PTPN22: variants seen among roughly 807,000 people sequenced by gnomAD.
The protein encoded by PTPN22 is protein tyrosine phosphatase non-receptor type 22, also known as tyrosine-protein phosphatase non-receptor type 22.
PTPN22 carries 85 observed loss-of-function variants against 103.3 expected under a neutral mutation model. The ratio of observed to expected loss-of-function variants is 0.82; its 90% confidence interval spans 0.69 to 0.99. The LOEUF (loss-of-function observed/expected upper bound fraction) is 0.99, where lower values mean the gene tolerates loss of function less well. PTPN22 is among the 50% of genes least tolerant of loss of function. The pLI, the probability that PTPN22 is intolerant of heterozygous loss-of-function variation, is 0.00. For missense variants in PTPN22, 865 were observed against 936.9 expected (o/e 0.92, Z 1.00); for synonymous variants, 323 against 310.2 (o/e 1.04, Z -0.43).
chr1:113,849,313 T>C (rs977177737), intron 10 of PTPN22, among the ~76,000 whole-genome samples: 1 of 152,228 alleles, frequency 6.6e-6, no homozygotes, highest in Non-Finnish European at 1.5e-5. Context: ...GATTTCACCA[T>C]AGAGAAATGA....
chr1:113,822,599 C>A (rs1173566016), intron 19 of PTPN22, among the ~76,000 whole-genome samples: 1 of 152,108 alleles, frequency 6.6e-6, no homozygotes, highest in Non-Finnish European at 1.5e-5. Context: ...ATCTGAAATA[C>A]TCTTCTCTGG....
intron 19 of PTPN22, among the ~76,000 whole-genome samples, chr1:113,820,322 G>T (rs1163847689): frequency 6.6e-6 from 1 of 151,976 alleles, no homozygotes; most frequent in Non-Finnish European, 1.5e-5. Context: ...GCGAGGCATG[G>T]TGTTGCAAAT....
chr1:113,869,687 C>T (rs1037920682), intron 1 of PTPN22, among the ~76,000 whole-genome samples: 15 of 152,214 alleles, frequency 9.9e-5, no homozygotes, highest in Non-Finnish European at 1.8e-4. Context: ...GAGCCACTGC[C>T]CCCGGCCAGT....
chr1:113,840,890 A>C (rs1663486648), intron 11 of PTPN22, among the ~76,000 whole-genome samples: 1 of 152,254 alleles, frequency 6.6e-6, no homozygotes, highest in Non-Finnish European at 1.5e-5. Context: ...GAGTGTTTTC[A>C]ATAAATGATT....
At position 113,829,585 on chromosome 1, in the gene PTPN22, TC is replaced by T; in HGVS notation, c.2250+6del. On this transcript the variant is annotated splice_donor_region_variant and intron_variant, in intron 18 of 20. Transcript: ENST00000359785. ...GGCATGTTTCCCAAAACTCTTATCTTCTTTACCTTACTCCTTGTGAAACTTT... is the reference window on the plus strand; with the variant it reads ...GGCATGTTTCCCAAAACTCTTATCTTTTTACCTTACTCCTTGTGAAACTTT... The T allele has an allele frequency of 1.3e-6, 2 of 1,534,450 alleles. No homozygotes were observed. Among genetic ancestry groups the T allele is most frequent in the South Asian group, 2.4e-5 (2 of 84,510 alleles).
chr1:113,851,618 A>C (rs2102062651), intron 10 of PTPN22, among the ~76,000 whole-genome samples: 1 of 152,320 alleles, frequency 6.6e-6, no homozygotes, highest in Middle Eastern at 3.4e-3. Flanking sequence ...ATATTCTGTT[A>C]CCACATCCTG....
intron 11 of PTPN22, among the ~76,000 whole-genome samples, chr1:113,848,321 C>T (rs1332514175): frequency 6.6e-6 from 1 of 152,076 alleles, no homozygotes; most frequent in African/African-American, 2.4e-5. Context: ...GCTGGGATTA[C>T]AGGTGTGAGC....
At chr1:113,857,977 G>T (rs1490897647) in intron 4 of PTPN22, 2 of 401,586 alleles carry the variant, frequency 5.0e-6, no homozygotes, top group African/African-American at 4.2e-5. Flanking sequence ...CCCTTTCTCT[G>T]TTCAGACCAG....
At chr1:113,835,689 C>T (rs975143111) in intron 13 of PTPN22, among the ~76,000 whole-genome samples, 2 of 152,000 alleles carry the variant, frequency 1.3e-5, no homozygotes, top group Non-Finnish European at 2.9e-5. Context: ...AGTGCTTTGA[C>T]GTGTAAAAGG....
intron 11 of PTPN22, among the ~76,000 whole-genome samples, chr1:113,846,495 C>T (rs953299011): frequency 1.3e-5 from 2 of 152,118 alleles, no homozygotes; most frequent in Admixed American, 1.3e-4. Context: ...ATTTTTGCTT[C>T]AATTGTAAAA....
At chr1:113,839,954 G>A (rs1663392428) in intron 11 of PTPN22, among the ~76,000 whole-genome samples, 1 of 152,054 alleles carries the variant, frequency 6.6e-6, no homozygotes, top group South Asian at 2.1e-4. Context: ...GCTCACGCCT[G>A]TAATCCCAGC....
At position 113,864,498 on chromosome 1, in the gene PTPN22, C is replaced by T. The variant is rs180858383; in HGVS notation, c.88-5038G>A. On this transcript the variant is annotated intron_variant, in intron 1 of 20. Coordinates refer to ENST00000359785, the Ensembl canonical transcript of PTPN22. ...ATTATTAGTCGGGCATGGTGGCTCACACCTGTAATCTCAACACTTTGGGAG... is the reference window on the plus strand; with the variant it reads ...ATTATTAGTCGGGCATGGTGGCTCATACCTGTAATCTCAACACTTTGGGAG... 203 of 272,954 alleles carry T rather than the reference C, an allele frequency of 7.4e-4. 1 individual carries two copies. The highest frequency in any genetic ancestry group is 1.1e-3 in the Non-Finnish European group (150 of 138,092). The allele number at this position is 272,954 out of a possible 1,614,324, so 16.9% of individuals were successfully genotyped here. A position where few individuals can be genotyped will look rare whatever the true frequency, so the allele number is the denominator to read the frequency against.
intron 10 of PTPN22, among the ~76,000 whole-genome samples, chr1:113,849,872 A>C (rs909802726): frequency 6.6e-6 from 1 of 151,974 alleles, no homozygotes. Flanking sequence ...TATAGGGGTG[A>C]GCCACCACAT....
Position 113,838,529 on chromosome 1 carries a change from T to C in PTPN22, c.992+15A>G, listed in dbSNP as rs1303306214. 6.2e-7 allele frequency: 1 copy of C among 1,609,808 alleles called. No homozygotes were observed. The highest frequency in any genetic ancestry group is 8.5e-7 in the Non-Finnish European group (1 of 1,178,958). ...CACAATTAGTCAACATTTAGATATA[T>C]AAAATTGTACTCACCTTTTTGGTAA... On this transcript the variant is annotated intron_variant, in intron 12 of 20. Coordinates refer to ENST00000359785, the Ensembl canonical transcript of PTPN22.
At chr1:113,868,230 G>A (rs1462812058) in intron 1 of PTPN22, among the ~76,000 whole-genome samples, 1 of 152,094 alleles carries the variant, frequency 6.6e-6, no homozygotes, top group African/African-American at 2.4e-5. Flanking sequence ...TCTGAACCAT[G>A]GACCTGGGGA....
intron 1 of PTPN22, chr1:113,864,313 C>T (rs1452543632): frequency 4.5e-6 from 2 of 443,394 alleles, no homozygotes; most frequent in Admixed American, 2.4e-5. Context: ...TCACTTGAGT[C>T]CAGGAAGTCA....
exon 11 of PTPN22, chr1:113,848,597 T>G (rs145370775): frequency 6.2e-7 from 1 of 1,613,610 alleles, no homozygotes; most frequent in South Asian, 1.1e-5. Context: ...ATAGTTCTAA[T>G]ACAGCATTGT....
intron 2 of PTPN22, 128 bp from the exon 3 acceptor site, chr1:113,859,206 GAATA>G (rs1334017367): frequency 9.1e-6 from 14 of 1,545,348 alleles, no homozygotes; most frequent in South Asian, 3.7e-5. Flanking sequence ...ATGAATGAAT[GAATA>G]TTCTTTTGCA....
At chr1:113,851,174 A>G (rs1252454737) in intron 10 of PTPN22, among the ~76,000 whole-genome samples, 1 of 147,726 alleles carries the variant, frequency 6.8e-6, no homozygotes, top group African/African-American at 2.5e-5. Context: ...TTTTTTTGAG[A>G]CAGAGTCTCA....
Sources: allele counts gnomAD v4.1 joint callset (sites outside exome capture counted in the v4.1 genomes callset), GRCh38; gene constraint gnomAD v4.1.1; transcripts MANE v1.5; gene names NCBI Gene and HGNC (gene_info 2026-07-23, HGNC 2026-07-21).